Variants in KLHDC1 observed in about 807,000 individuals in gnomAD.
The protein encoded by KLHDC1 is kelch domain containing 1, also known as kelch domain-containing protein 1.
A neutral mutation model predicts 68.3 loss-of-function variants in KLHDC1; 53 were observed. That is an observed-to-expected ratio of 0.78 (90% CI 0.62 to 0.98). The LOEUF is 0.98. KLHDC1 is among the 50% of genes least tolerant of loss of function. The pLI is 0.00. For missense variants in KLHDC1, 470 were observed against 492.3 expected, an observed-to-expected ratio of 0.95 and a Z score of 0.43; for synonymous variants, 148 against 159.0, an observed-to-expected ratio of 0.93 and a Z score of 0.52.
intron 6 of KLHDC1, among the ~76,000 whole-genome samples, chr14:49,728,596 A>G (rs1438196760): frequency 1.3e-5 from 2 of 152,294 alleles, no homozygotes; most frequent in Admixed American, 6.5e-5. Context: ...GGAGAGAGGG[A>G]GAGAGAGAAC....
intron 4 of KLHDC1, among the ~76,000 whole-genome samples, chr14:49,719,657 C>T (rs144369441): frequency 2.3e-3 from 354 of 151,922 alleles, no homozygotes; most frequent in Non-Finnish European, 3.8e-3. Context: ...AGGCTGGTCT[C>T]GAACTCCTGA....
chr14:49,734,083 T>C (rs1210652013), intron 9 of KLHDC1, among the ~76,000 whole-genome samples: 1 of 152,220 alleles, frequency 6.6e-6, no homozygotes, highest in Admixed American at 6.5e-5. Flanking sequence ...TTAGTTCCTG[T>C]TTTCTGTTTT....
At chr14:49,738,796 G>T (rs1260826199) in intron 10 of KLHDC1, among the ~76,000 whole-genome samples, 1 of 152,228 alleles carries the variant, frequency 6.6e-6, no homozygotes, top group African/African-American at 2.4e-5. Flanking sequence ...AGAGTGGGAG[G>T]ATGCCCTAAT....
chr14:49,701,712 C>T (rs528590118), intron 1 of KLHDC1, among the ~76,000 whole-genome samples: 40 of 151,998 alleles, frequency 2.6e-4, no homozygotes, highest in African/African-American at 8.7e-4. Context: ...CACCAGAAAA[C>T]GAGGAGGCAA....
intron 4 of KLHDC1, among the ~76,000 whole-genome samples, chr14:49,721,003 T>C (rs1888511119): frequency 6.6e-6 from 1 of 152,186 alleles, no homozygotes; most frequent in African/African-American, 2.4e-5. Context: ...TTTGCTGAAA[T>C]TACCCATTTA....
At chr14:49,713,333 GCCT>G (rs1354617877) in intron 4 of KLHDC1, among the ~76,000 whole-genome samples, 1 of 152,054 alleles carries the variant, frequency 6.6e-6, no homozygotes, top group Non-Finnish European at 1.5e-5. Flanking sequence ...GATGATTGCT[GCCT>G]AGATCCATTT....
chr14:49,693,748 C>CTTTTTTTTTCTTTTTTTTTT (rs1887646287), intron 1 of KLHDC1, among the ~76,000 whole-genome samples: 2 of 61,540 alleles, frequency 3.2e-5, no homozygotes, highest in Non-Finnish European at 6.8e-5. Flanking sequence ...TTTTCTTTTT[C>CTTTTTTTTTCTTTTTTTTTT]TTTTTTTTTT....
At chr14:49,713,817 TA>T (rs1566602726) in intron 4 of KLHDC1, among the ~76,000 whole-genome samples, 51 of 2,764 alleles carry the variant, frequency 0.018, 3 homozygotes, top group Non-Finnish European at 0.023. Flanking sequence ...TATATATATA[TA>T]TATATATATA....
At chr14:49,695,927 G>A (rs1418765979) in intron 1 of KLHDC1, among the ~76,000 whole-genome samples, 5 of 152,040 alleles carry the variant, frequency 3.3e-5, no homozygotes, top group Non-Finnish European at 5.9e-5. Context: ...TTAGCCAGGC[G>A]TGGTGGCAGG....
At chr14:49,693,435 C>A (rs1372040251) in intron 1 of KLHDC1, 145 bp downstream of exon 1, 2 of 414,606 alleles carry the variant, frequency 4.8e-6, no homozygotes, top group Non-Finnish European at 8.2e-6. Context: ...CTCCGCTGGC[C>A]GCCGCCCCCA....
chr14:49,717,662 G>T (rs1888414902), intron 4 of KLHDC1, among the ~76,000 whole-genome samples: 1 of 151,864 alleles, frequency 6.6e-6, no homozygotes, highest in African/African-American at 2.4e-5. Flanking sequence ...TGGTATCAGG[G>T]TAATGCTAGC....
intron 11 of KLHDC1, among the ~76,000 whole-genome samples, chr14:49,742,375 A>G (rs185168688): frequency 6.6e-6 from 1 of 152,336 alleles, no homozygotes; most frequent in Admixed American, 6.5e-5. Context: ...TCAAATTAAG[A>G]ATTCCCGGGG....
intron 11 of KLHDC1, among the ~76,000 whole-genome samples, chr14:49,741,428 C>T (rs2139766374): frequency 6.6e-6 from 1 of 151,948 alleles, no homozygotes; most frequent in East Asian, 1.9e-4. Flanking sequence ...GCCTCAGCCT[C>T]CCAAGTAGCT....
chr14:49,712,105 A>G (rs909197689), intron 4 of KLHDC1, among the ~76,000 whole-genome samples: 5 of 150,950 alleles, frequency 3.3e-5, no homozygotes, highest in Non-Finnish European at 1.5e-5. Context: ...TTTTTAGTAG[A>G]GACTGGGTTT....
rs758610340 is a variant in KLHDC1, at chr14:49,723,958, A to G, written c.483+6A>G. Reference sequence around the variant, plus strand: ...ATGTTCATGATGCATCTTGGGTAAGATAGTAATCACTGTTTACATTTTCCT... The same window carrying G: ...ATGTTCATGATGCATCTTGGGTAAGGTAGTAATCACTGTTTACATTTTCCT... On this transcript the variant is annotated splice_donor_region_variant and intron_variant, in intron 5 of 12. Coordinates refer to ENST00000359332, the MANE Select transcript of KLHDC1 (RefSeq NM_172193.3). 31 of 1,549,094 alleles carry G rather than the reference A, an allele frequency of 2.0e-5. No homozygotes were observed. Among genetic ancestry groups the G allele is most frequent in the Non-Finnish European group, 2.7e-5 (30 of 1,126,044 alleles).
chr14:49,721,495 T>G (rs1055873967), intron 4 of KLHDC1, among the ~76,000 whole-genome samples: 9 of 152,168 alleles, frequency 5.9e-5, no homozygotes, highest in Non-Finnish European at 1.2e-4. Flanking sequence ...CAGTAAAGAT[T>G]GGAATAAATT....
At chr14:49,705,365 CTTTTT>C (rs59444333) in intron 1 of KLHDC1, among the ~76,000 whole-genome samples, 9 of 71,672 alleles carry the variant, frequency 1.3e-4, no homozygotes, top group East Asian at 9.8e-4. Context: ...TTCTTTCTTT[CTTTTT>C]TTTTTTTTTT....
At position 49,737,239 on chromosome 14, in the gene KLHDC1, A is replaced by C. The variant is rs375696914; in HGVS notation, c.896+2578A>C. Among the ~76,000 whole-genome samples, 30 of 152,262 alleles carry C rather than the reference A, an allele frequency of 2.0e-4. No individual in the cohort carries two copies. In the East Asian group the frequency reaches 5.0e-3, roughly 25 times the overall value. ...TAATCTGGGTTCTTGTTGAAGATTTATATCAATGTATCTTCTATAAGAGTT... is the reference window on the plus strand; with the variant it reads ...TAATCTGGGTTCTTGTTGAAGATTTCTATCAATGTATCTTCTATAAGAGTT... On this transcript the variant is annotated intron_variant, in intron 10 of 12. Transcript: ENST00000359332.
intron 11 of KLHDC1, among the ~76,000 whole-genome samples, chr14:49,741,957 G>C (rs1484400372): frequency 6.6e-6 from 1 of 152,142 alleles, no homozygotes; most frequent in Non-Finnish European, 1.5e-5. Context: ...GTTATCTCCA[G>C]AGCTGCTCCT....
Sources: allele counts gnomAD v4.1 joint callset (sites outside exome capture counted in the v4.1 genomes callset), GRCh38; gene constraint gnomAD v4.1.1; transcripts MANE v1.5; gene names NCBI Gene and HGNC (gene_info 2026-07-23, HGNC 2026-07-21).